Variants in CEP135 observed in about 807,000 individuals in gnomAD.
CEP135 encodes the protein centrosomal protein 135, also known as centrosomal protein of 135 kDa.
A neutral mutation model predicts 157.3 loss-of-function variants in CEP135; 142 were observed. The ratio of observed to expected loss-of-function variants is 0.90; its 90% confidence interval spans 0.79 to 1.04. CEP135 has a LOEUF of 1.04. Among genes scored for constraint, CEP135 ranks in the 50% least tolerant of loss-of-function variants. The pLI is 0.00. For missense variants in CEP135, 1,317 were observed against 1,309.2 expected (o/e 1.01, Z -0.09); for synonymous variants, 396 against 439.8 (o/e 0.90, Z 1.25).
intron 5 of CEP135, 104 bp downstream of exon 5, chr4:55,957,468 G>A (rs1728545046): frequency 1.9e-6 from 2 of 1,042,236 alleles, no homozygotes; most frequent in Non-Finnish European, 2.8e-6. Context: ...TGTGTCTCCA[G>A]TGTCTAGCAC....
intron 14 of CEP135, among the ~76,000 whole-genome samples, chr4:55,985,731 G>C (rs1192532510): frequency 6.6e-6 from 1 of 152,144 alleles, no homozygotes; most frequent in Non-Finnish European, 1.5e-5. Flanking sequence ...AAAGTGCTGG[G>C]ATTACAGCAT....
intron 19 of CEP135, among the ~76,000 whole-genome samples, chr4:56,010,580 G>A (rs898895644): frequency 6.6e-6 from 1 of 152,076 alleles, no homozygotes; most frequent in Non-Finnish European, 1.5e-5. Flanking sequence ...ATCCCTCCCA[G>A]AGCAAAGTTT....
At position 56,011,408 on chromosome 4, in the gene CEP135, G is replaced by T. The variant is rs1289000753; in HGVS notation, c.2506-4G>T. On this transcript the variant is annotated splice_region_variant and splice_polypyrimidine_tract_variant and intron_variant, in intron 19 of 25. Transcript: ENST00000257287. ...TAGATTGTCTTTAATTTTCTGATTT[G>T]TAGGAAATCTCATTGGAATTGGAAG... 1 of 1,583,552 alleles carries T rather than the reference G, an allele frequency of 6.3e-7. No homozygotes were observed. The highest frequency in any genetic ancestry group is 1.2e-5 in the South Asian group (1 of 86,674).
rs2109745025 is a variant in CEP135, at chr4:56,019,353, G to A, written c.3013G>A (p.Val1005Ile). Residue 1005 changes from valine to isoleucine, a missense_variant and splice_region_variant, in exon 23 of 26, where the codon GTT (valine) becomes ATT (isoleucine). Coordinates refer to ENST00000257287, the MANE Select transcript of CEP135 (RefSeq NM_025009.5). ...TAATCTTACTTTGTTTTTCACGTAG[G>A]TTGTGGTGGAATTAGAAAATGTAAA... ...LNSKNLEFERVVVELENVKSE... is the reference protein window; with the variant it reads ...LNSKNLEFERIVVELENVKSE... 1.2e-6 allele frequency: 2 copies of A among 1,607,508 alleles called. No homozygotes were observed. The highest frequency in any genetic ancestry group is 1.1e-5 in the South Asian group (1 of 89,528).
intron 24 of CEP135, among the ~76,000 whole-genome samples, chr4:56,024,118 G>A (rs1159160186): frequency 7.0e-6 from 1 of 141,940 alleles, no homozygotes; most frequent in Non-Finnish European, 1.5e-5. Context: ...ATAGTATATA[G>A]TATATTAGTA....
chr4:56,009,288 A>G (rs1730481480), intron 18 of CEP135, among the ~76,000 whole-genome samples: 1 of 152,012 alleles, frequency 6.6e-6, no homozygotes, highest in Admixed American at 6.5e-5. Flanking sequence ...CAGCCTCCCA[A>G]GTAGCTGGAC....
chr4:56,012,441 A>G (rs1730620634), intron 21 of CEP135, among the ~76,000 whole-genome samples: 1 of 152,250 alleles, frequency 6.6e-6, no homozygotes, highest in Non-Finnish European at 1.5e-5. Context: ...TAATTTGCAT[A>G]GAAGCCCATT....
In CEP135 at chr4:56,017,911, A is replaced by G; in HGVS notation, c.3012+54A>G. On this transcript the variant is annotated intron_variant, in intron 22 of 25. Transcript: ENST00000257287. ...TGTTTTATTGAGCCCTACTCTAATTATTTTACTTTAGTATTCACCACACCA... is the reference window on the plus strand; with the variant it reads ...TGTTTTATTGAGCCCTACTCTAATTGTTTTACTTTAGTATTCACCACACCA... The G allele has an allele frequency of 2.7e-6, 4 of 1,469,510 alleles. No individual in the cohort carries two copies. The South Asian group carries it at 3.7e-5, about 13-fold the overall frequency. The allele number at this position is 1,469,510 out of a possible 1,614,324, so 91.0% of individuals were successfully genotyped here.
chr4:55,984,468 G>A (rs1011961986), intron 13 of CEP135, among the ~76,000 whole-genome samples: 1 of 152,102 alleles, frequency 6.6e-6, no homozygotes, highest in Non-Finnish European at 1.5e-5. Context: ...CTCTTATTTA[G>A]GTTTTGTCTT....
At chr4:55,967,902 A>G (rs1490337141) in intron 8 of CEP135, among the ~76,000 whole-genome samples, 1 of 152,218 alleles carries the variant, frequency 6.6e-6, no homozygotes, top group East Asian at 1.9e-4. Flanking sequence ...CTGCTGCTCA[A>G]CATAGTACTG....
chr4:55,974,516 A>G (rs1037019712), intron 10 of CEP135, among the ~76,000 whole-genome samples: 2 of 152,210 alleles, frequency 1.3e-5, no homozygotes, highest in African/African-American at 4.8e-5. Context: ...AGACAAAAGC[A>G]GGGAGACTTG....
intron 15 of CEP135, among the ~76,000 whole-genome samples, chr4:55,992,631 T>TA (rs1729832402): frequency 6.6e-6 from 1 of 152,180 alleles, no homozygotes. Flanking sequence ...TTTCAAGTCT[T>TA]AGAGATTGAT....
Position 56,008,399 on chromosome 4 carries a change from A to G in CEP135, c.2336+17A>G, listed in dbSNP as rs369703497. 32 of 1,591,772 alleles carry G rather than the reference A, an allele frequency of 2.0e-5. No homozygotes were observed. In the African/African-American group the frequency reaches 3.4e-4, roughly 17 times the overall value. On this transcript the variant is annotated intron_variant, in intron 18 of 25. Coordinates refer to ENST00000257287, the MANE Select transcript of CEP135 (RefSeq NM_025009.5). ...ATCTGTGAAGTAAGTCATTAATGAA[A>G]TTACATCCAGCTTTTTAGGAGATTT...
chr4:56,009,077 A>T (rs560106465), intron 18 of CEP135, among the ~76,000 whole-genome samples: 14 of 152,204 alleles, frequency 9.2e-5, no homozygotes, highest in South Asian at 2.1e-4. Flanking sequence ...TTAAAAAAAA[A>T]TTTTTGTAGA....
At chr4:56,018,615 C>T (rs981226478) in intron 22 of CEP135, among the ~76,000 whole-genome samples, 2 of 151,944 alleles carry the variant, frequency 1.3e-5, no homozygotes, top group African/African-American at 2.4e-5. Flanking sequence ...AAGAATTAGT[C>T]AGGCATGTGG....
chr4:56,007,050 C>T lies in CEP135; in HGVS notation c.2281-1277C>T, dbSNP rs550368492. On this transcript the variant is annotated intron_variant, in intron 17 of 25. Transcript: ENST00000257287. Reference sequence around the variant, plus strand: ...CTGGAATTACAGGCACGCAACACCACACCTGGCTAATTTTTGTATTTTTAG... The same window carrying T: ...CTGGAATTACAGGCACGCAACACCATACCTGGCTAATTTTTGTATTTTTAG... Among the ~76,000 whole-genome samples, 3 of 152,168 alleles carry T rather than the reference C, an allele frequency of 2.0e-5. No individual in the cohort carries two copies. The East Asian group carries it at 5.8e-4, about 30-fold the overall frequency.
chr4:55,999,947 T>C (rs1442509134), intron 17 of CEP135, among the ~76,000 whole-genome samples: 1 of 152,218 alleles, frequency 6.6e-6, no homozygotes, highest in South Asian at 2.1e-4. Flanking sequence ...CCCAGCACTT[T>C]GGGAGGCTGA....
At chr4:55,999,888 T>C (rs1730104959) in intron 17 of CEP135, among the ~76,000 whole-genome samples, 1 of 152,210 alleles carries the variant, frequency 6.6e-6, no homozygotes, top group South Asian at 2.1e-4. Context: ...ATTTCTTTTT[T>C]AAAAGGTTTA....
chr4:55,972,979 C>T (rs1470289787), intron 10 of CEP135, among the ~76,000 whole-genome samples: 18 of 151,888 alleles, frequency 1.2e-4, no homozygotes, highest in Admixed American at 8.5e-4. Context: ...TGCAGTGAGC[C>T]GAGATCGCAC....
Sources: gnomAD v4.1 joint callset for allele counts (sites outside exome capture counted in the v4.1 genomes callset) on GRCh38, gnomAD v4.1.1 for gene constraint, MANE v1.5 for transcripts, NCBI Gene and HGNC (gene_info 2026-07-23, HGNC 2026-07-21) for gene names.